PLXNA2: variants seen among roughly 807,000 people sequenced by gnomAD.
PLXNA2 encodes the protein plexin A2, also known as plexin-A2.
In PLXNA2, 91 loss-of-function variants were observed where a neutral mutation model predicts 193.5. The observed-to-expected ratio is 0.47, with a 90% CI of 0.40 to 0.56. PLXNA2 has a LOEUF of 0.56. PLXNA2 is among the 20% of genes least tolerant of loss of function. PLXNA2 has a pLI of 0.00. For missense variants in PLXNA2, 1,995 were observed against 2,503.2 expected, an observed-to-expected ratio of 0.80 and a Z score of 4.33; for synonymous variants, 997 against 1,027.3, an observed-to-expected ratio of 0.97 and a Z score of 0.56.
At chr1:208,144,625 T>C (rs918554220) in intron 3 of PLXNA2, among the ~76,000 whole-genome samples, 1 of 152,158 alleles carries the variant, frequency 6.6e-6, no homozygotes, top group Non-Finnish European at 1.5e-5. Flanking sequence ...GCTGGGCGAC[T>C]TGGGGGCTTC....
intron 1 of PLXNA2, among the ~76,000 whole-genome samples, chr1:208,234,323 T>C (rs1671784288): frequency 6.6e-6 from 1 of 152,178 alleles, no homozygotes; most frequent in Admixed American, 6.5e-5. Context: ...AACACCTATT[T>C]ATTCTGCAGT....
rs572524392 is a variant in PLXNA2, at chr1:208,208,816, G to A, written c.1371+1464C>T. Among the ~76,000 whole-genome samples, 161 of 152,282 alleles carry A rather than the reference G, an allele frequency of 1.1e-3. 3 individuals carry two copies. In the South Asian group the frequency reaches 0.031, roughly 30 times the overall value. On this transcript the variant is annotated intron_variant, in intron 3 of 31. Transcript: ENST00000367033. ...ACATGATGTGACAGGGAGAGCTCAGGCTGGATTTCAACTCCCACTAGGCCC... is the reference window on the plus strand; with the variant it reads ...ACATGATGTGACAGGGAGAGCTCAGACTGGATTTCAACTCCCACTAGGCCC...
chr1:208,103,491 G>T (rs1667165021), intron 4 of PLXNA2, among the ~76,000 whole-genome samples: 1 of 152,220 alleles, frequency 6.6e-6, no homozygotes, highest in Admixed American at 6.5e-5. Context: ...TAGCAGCAAA[G>T]GCTCCATCTA....
chr1:208,085,200 T>TGA (rs1666477450), intron 9 of PLXNA2, among the ~76,000 whole-genome samples: 1 of 152,010 alleles, frequency 6.6e-6, no homozygotes, highest in Non-Finnish European at 1.5e-5. Flanking sequence ...GGAAGGACCA[T>TGA]GAGAGAGAGA....
intron 4 of PLXNA2, among the ~76,000 whole-genome samples, chr1:208,137,882 T>A (rs1668350473): frequency 6.6e-6 from 1 of 152,172 alleles, no homozygotes; most frequent in Non-Finnish European, 1.5e-5. Context: ...GACCAGAGAC[T>A]TGGTTTTACT....
At chr1:208,075,957 C>T (rs1666132636) in intron 12 of PLXNA2, among the ~76,000 whole-genome samples, 1 of 150,088 alleles carries the variant, frequency 6.7e-6, no homozygotes, top group Non-Finnish European at 1.5e-5. Flanking sequence ...ACTCAGGAGG[C>T]TGAGGAGTGA....
rs199567905 is a variant in PLXNA2, at chr1:208,051,009, A to G, written c.3255T>C (p.Asn1085=). 3.1e-6 allele frequency: 5 copies of G among 1,609,586 alleles called. No homozygotes were observed. Among genetic ancestry groups the G allele is most frequent in the Non-Finnish European group, 4.3e-6 (5 of 1,175,870 alleles). The change falls in exon 17 of 32, where the codon AAT becomes AAC. Residue 1085 remains asparagine (N), a splice_region_variant and synonymous_variant. Coordinates refer to ENST00000367033, the MANE Select transcript of PLXNA2 (RefSeq NM_025179.4). ...CTGGGGCAGACCAACAGTTACTCACATTGACAGATTCTTTGCCATTGAATT... is the reference window on the plus strand; with the variant it reads ...CTGGGGCAGACCAACAGTTACTCACGTTGACAGATTCTTTGCCATTGAATT... ...RVKFNGKESV[N]VCKVVNTTTL...
At chr1:208,240,211 A>G (rs972456660) in intron 1 of PLXNA2, among the ~76,000 whole-genome samples, 1 of 152,190 alleles carries the variant, frequency 6.6e-6, no homozygotes, top group African/African-American at 2.4e-5. Context: ...CCAATTCCAG[A>G]TGGAGCAGTG....
At chr1:208,075,009 T>C (rs191162229) in intron 12 of PLXNA2, among the ~76,000 whole-genome samples, 118 of 152,212 alleles carry the variant, frequency 7.8e-4, no homozygotes, top group African/African-American at 2.8e-3. Flanking sequence ...CCAAGAAAGC[T>C]GAAGTAAAGA....
At chr1:208,215,250 C>G (rs754030692) in intron 2 of PLXNA2, among the ~76,000 whole-genome samples, 1 of 152,170 alleles carries the variant, frequency 6.6e-6, no homozygotes, top group Non-Finnish European at 1.5e-5. Flanking sequence ...CCTACCTTAG[C>G]CTGCCAAAGT....
chr1:208,218,400 C>T (rs1460934508), intron 1 of PLXNA2, among the ~76,000 whole-genome samples: 1 of 152,164 alleles, frequency 6.6e-6, no homozygotes, highest in African/African-American at 2.4e-5. Context: ...GTGGAAGTCG[C>T]TCCTGTTTTT....
At chr1:208,160,239 G>A (rs762279018) in intron 3 of PLXNA2, among the ~76,000 whole-genome samples, 1 of 152,200 alleles carries the variant, frequency 6.6e-6, no homozygotes, top group Non-Finnish European at 1.5e-5. Flanking sequence ...AGTAGAAAGG[G>A]TTATTGCGGG....
intron 3 of PLXNA2, among the ~76,000 whole-genome samples, chr1:208,144,264 A>G (rs866003522): frequency 6.6e-6 from 1 of 152,262 alleles, no homozygotes; most frequent in African/African-American, 2.4e-5. Flanking sequence ...GGATGGATGG[A>G]TGTGTTTTCA....
chr1:208,203,380 G>T, intron 3 of PLXNA2, among the ~76,000 whole-genome samples: 1 of 152,190 alleles, frequency 6.6e-6, no homozygotes, highest in East Asian at 1.9e-4. Flanking sequence ...TTGCTGAGAC[G>T]CCTGGGCGAG....
chr1:208,222,485 G>T (rs1028607785), intron 1 of PLXNA2, among the ~76,000 whole-genome samples: 4 of 152,254 alleles, frequency 2.6e-5, no homozygotes, highest in Admixed American at 1.3e-4. Flanking sequence ...TGCCTCTTTG[G>T]GAAGCAAGTG....
chr1:208,099,272 A>T (rs1188226566), intron 5 of PLXNA2, among the ~76,000 whole-genome samples: 2 of 152,240 alleles, frequency 1.3e-5, no homozygotes, highest in South Asian at 4.1e-4. Context: ...CAAAACGCAC[A>T]AACAAAGCAA....
intron 13 of PLXNA2, among the ~76,000 whole-genome samples, chr1:208,057,086 T>G (rs9803859): frequency 6.6e-6 from 1 of 151,978 alleles, no homozygotes; most frequent in African/African-American, 2.4e-5. Context: ...AAGGGTTATA[T>G]TGAGGAAGGA....
chr1:208,109,035 C>A (rs1667375019), intron 4 of PLXNA2, among the ~76,000 whole-genome samples: 1 of 152,208 alleles, frequency 6.6e-6, no homozygotes, highest in South Asian at 2.1e-4. Flanking sequence ...CTGGAATCTT[C>A]CCTGGAATCT....
At chr1:208,112,005 G>C (rs968547006) in intron 4 of PLXNA2, among the ~76,000 whole-genome samples, 6 of 152,228 alleles carry the variant, frequency 3.9e-5, no homozygotes, top group East Asian at 1.9e-4. Flanking sequence ...GGAGACCTGA[G>C]GGCGGAGTGC....
Sources: gnomAD v4.1 joint callset for allele counts (sites outside exome capture counted in the v4.1 genomes callset) on GRCh38, gnomAD v4.1.1 for gene constraint, MANE v1.5 for transcripts, NCBI Gene and HGNC (gene_info 2026-07-23, HGNC 2026-07-21) for gene names.